The following MCC variants were observed in gnomAD, a reference collection of about 807,000 sequenced individuals.
MCC encodes the protein MCC regulator of Wnt signaling pathway.
In MCC, 90 loss-of-function variants were observed where a neutral mutation model predicts 116.2. That is an observed-to-expected ratio of 0.77 (90% confidence interval 0.65 to 0.92). MCC has a LOEUF of 0.92. Among genes scored for constraint, MCC ranks in the 40% least tolerant of loss-of-function variants. The pLI is 0.00. For missense variants in MCC, 1,516 were observed against 1,312.2 expected, an observed-to-expected ratio of 1.16 and a Z score of -2.40; for synonymous variants, 578 against 510.5, an observed-to-expected ratio of 1.13 and a Z score of -1.78.
chr5:113,213,733 G>T (rs1763212705), intron 3 of MCC, among the ~76,000 whole-genome samples: 1 of 152,120 alleles, frequency 6.6e-6, no homozygotes, highest in Non-Finnish European at 1.5e-5. Flanking sequence ...AAAAAGTAAG[G>T]TTGGTTTCTA....
chr5:113,224,344 C>T (rs1233257655), intron 3 of MCC, among the ~76,000 whole-genome samples: 2 of 152,184 alleles, frequency 1.3e-5, no homozygotes, highest in Non-Finnish European at 1.5e-5. Context: ...CAGCCCGTCT[C>T]GGCCTCCCAA....
chr5:113,158,607 C>T (rs1760305828), intron 3 of MCC, among the ~76,000 whole-genome samples: 2 of 152,176 alleles, frequency 1.3e-5, no homozygotes, highest in Admixed American at 6.5e-5. Flanking sequence ...AGGCACATTA[C>T]ATGCCATATC....
At chr5:113,148,337 C>T (rs1482409001) in intron 4 of MCC, among the ~76,000 whole-genome samples, 1 of 151,466 alleles carries the variant, frequency 6.6e-6, no homozygotes, top group Non-Finnish European at 1.5e-5. Context: ...GTATTGGGCT[C>T]TTCCCTTCAT....
intron 17 of MCC, among the ~76,000 whole-genome samples, chr5:113,036,297 G>A (rs140865372): frequency 3.5e-4 from 54 of 152,152 alleles, no homozygotes; most frequent in African/African-American, 9.2e-4. Flanking sequence ...CTTGGCCTCC[G>A]AAAGTACTAG....
chr5:113,096,936 T>A (rs530009771), intron 8 of MCC, among the ~76,000 whole-genome samples: 114 of 152,116 alleles, frequency 7.5e-4, no homozygotes, highest in African/African-American at 2.7e-3. Context: ...TCCTCTCAGC[T>A]CCCTCCCATG....
At chr5:113,122,545 C>T (rs140306137) in intron 6 of MCC, 139 bp downstream of exon 6, 2 of 894,496 alleles carry the variant, frequency 2.2e-6, no homozygotes, top group Admixed American at 5.4e-5. Context: ...GTGTAAGGGA[C>T]TGAAATACAT....
At chr5:113,424,967 G>C (rs1165430999) in intron 1 of MCC, among the ~76,000 whole-genome samples, 1 of 151,984 alleles carries the variant, frequency 6.6e-6, no homozygotes, top group Admixed American at 6.6e-5. Flanking sequence ...ATGAATTACA[G>C]AAAGAATGAC....
At chr5:113,456,766 C>T (rs904439908) in intron 1 of MCC, among the ~76,000 whole-genome samples, 6 of 148,896 alleles carry the variant, frequency 4.0e-5, no homozygotes, top group East Asian at 1.9e-4. Context: ...CCACTGCGCC[C>T]GGCCAATGAG....
At chr5:113,180,270 G>A (rs529675620) in intron 3 of MCC, among the ~76,000 whole-genome samples, 6 of 151,546 alleles carry the variant, frequency 4.0e-5, no homozygotes, top group East Asian at 1.9e-4. Context: ...CCTGTCTCCC[G>A]TGCTTCCAAT....
At chr5:113,283,418 G>T (rs1180078077) in intron 3 of MCC, among the ~76,000 whole-genome samples, 1 of 152,120 alleles carries the variant, frequency 6.6e-6, no homozygotes, top group Non-Finnish European at 1.5e-5. Flanking sequence ...AACACGTGAA[G>T]AGATGCTCAA....
intron 3 of MCC, among the ~76,000 whole-genome samples, chr5:113,175,142 T>C (rs1379927320): frequency 1.3e-5 from 2 of 152,210 alleles, no homozygotes; most frequent in African/African-American, 4.8e-5. Context: ...TGTGTAGCTT[T>C]TGTGCTTTGA....
At position 113,230,165 on chromosome 5, in the gene MCC, G is replaced by A. The variant is rs1402180100; in HGVS notation, c.628-78743C>T. 2.0e-5 allele frequency among the ~76,000 whole-genome samples: 3 copies of A among 152,208 alleles called. No homozygotes were observed. The South Asian group carries it at 6.2e-4, about 31-fold the overall frequency. ...TTTTTCCTACAAAATTAGGGCAGCA[G>A]TAAGTTTTGTTTTTTTGTTTTGGTT... On this transcript the variant is annotated intron_variant, in intron 3 of 18. Coordinates refer to ENST00000408903, the MANE Select transcript of MCC (RefSeq NM_001085377.2).
At chr5:113,267,627 T>C (rs1765468932) in intron 3 of MCC, among the ~76,000 whole-genome samples, 1 of 152,146 alleles carries the variant, frequency 6.6e-6, no homozygotes. Flanking sequence ...CATGAAAACA[T>C]GCCAAGTGAA....
intron 2 of MCC, among the ~76,000 whole-genome samples, chr5:113,369,641 A>T (rs1223450039): frequency 1.3e-5 from 2 of 151,948 alleles, no homozygotes; most frequent in Non-Finnish European, 2.9e-5. Context: ...GGTTGTTTCC[A>T]CCTTTGGGCT....
chr5:113,442,376 T>C (rs2150416099), intron 1 of MCC, among the ~76,000 whole-genome samples: 1 of 152,338 alleles, frequency 6.6e-6, no homozygotes, highest in African/African-American at 2.4e-5. Flanking sequence ...TTGTTTAAGT[T>C]CTTTGCAGAT....
intron 3 of MCC, among the ~76,000 whole-genome samples, chr5:113,153,978 T>C (rs545365593): frequency 6.6e-6 from 1 of 152,378 alleles, no homozygotes; most frequent in Admixed American, 6.5e-5. Flanking sequence ...GACAGAGTTT[T>C]CAGTTTGTTA....
intron 3 of MCC, chr5:113,294,926 C>G (rs1042287629): frequency 1.2e-4 from 114 of 985,358 alleles, no homozygotes; most frequent in Non-Finnish European, 1.3e-4. Context: ...CCCTTCGAAT[C>G]GTCTGGAGTT....
At chr5:113,441,075 C>G (rs1771023663) in intron 1 of MCC, among the ~76,000 whole-genome samples, 1 of 152,214 alleles carries the variant, frequency 6.6e-6, no homozygotes, top group African/African-American at 2.4e-5. Context: ...TGGCTCACGC[C>G]TGTAATCCCA....
chr5:113,183,371 CTT>C (rs1347068161), intron 3 of MCC, among the ~76,000 whole-genome samples: 1 of 152,184 alleles, frequency 6.6e-6, no homozygotes, highest in East Asian at 1.9e-4. Context: ...TCAAATCTAT[CTT>C]TTCTTCCTTC....
Sources: allele counts gnomAD v4.1 joint callset (sites outside exome capture counted in the v4.1 genomes callset), GRCh38; gene constraint gnomAD v4.1.1; transcripts MANE v1.5; gene names NCBI Gene and HGNC (gene_info 2026-07-23, HGNC 2026-07-21).